The following RB1 variants were observed in gnomAD, a reference collection of about 807,000 sequenced individuals.
RB1 encodes retinoblastoma-associated protein.
In RB1, 18 loss-of-function variants were observed where a neutral mutation model predicts 135.4. The ratio of observed to expected loss-of-function variants is 0.13; its 90% confidence interval spans 0.09 to 0.20. The LOEUF is 0.20. Among genes scored for constraint, RB1 ranks in the 10% least tolerant of loss-of-function variants. The pLI is 1.00. For missense variants in RB1, 868 were observed against 1,110.0 expected, an observed-to-expected ratio of 0.78 and a Z score of 3.10; for synonymous variants, 365 against 373.2, an observed-to-expected ratio of 0.98 and a Z score of 0.25.
At chr13:48,383,061 A>G (rs1382604654) in intron 17 of RB1, among the ~76,000 whole-genome samples, 5 of 152,166 alleles carry the variant, frequency 3.3e-5, no homozygotes, top group Non-Finnish European at 5.9e-5. Flanking sequence ...AATTCTTTAA[A>G]GTATTTAGAT....
chr13:48,449,485 A>G (rs1949312374), intron 17 of RB1, among the ~76,000 whole-genome samples: 1 of 152,140 alleles, frequency 6.6e-6, no homozygotes. Context: ...CTGAGTTCCA[A>G]TTCAGTTTTT....
chr13:48,411,544 T>TA, intron 17 of RB1: 3 of 1,613,688 alleles, frequency 1.9e-6, no homozygotes, highest in Non-Finnish European at 1.7e-6. Flanking sequence ...GTGTCCGATG[T>TA]AAAGTAGTAA....
chr13:48,367,412 C>T (rs999892319), intron 9 of RB1, 82 bp from the exon 10 acceptor site: 2 of 1,463,034 alleles, frequency 1.4e-6, no homozygotes, highest in East Asian at 2.4e-5. Flanking sequence ...TACAAAAATT[C>T]TTTAATGAAA....
chr13:48,447,542 A>G (rs1223306634), intron 17 of RB1, among the ~76,000 whole-genome samples: 1 of 152,166 alleles, frequency 6.6e-6, no homozygotes, highest in Non-Finnish European at 1.5e-5. Flanking sequence ...ATTATATATT[A>G]CTCTGTGTCA....
intron 2 of RB1, among the ~76,000 whole-genome samples, chr13:48,308,893 A>G (rs1268348932): frequency 6.6e-6 from 1 of 152,094 alleles, no homozygotes; most frequent in Non-Finnish European, 1.5e-5. Context: ...AGTTACACAT[A>G]GTTTTGTATT....
chr13:48,336,773 T>A (rs1952389330), intron 2 of RB1, among the ~76,000 whole-genome samples: 1 of 151,552 alleles, frequency 6.6e-6, no homozygotes, highest in Admixed American at 6.6e-5. Context: ...ATTGTGATGT[T>A]AGGGTGTCAA....
chr13:48,317,855 T>C, intron 2 of RB1: 1 of 391,954 alleles, frequency 2.6e-6, no homozygotes, highest in South Asian at 2.2e-5. Context: ...GCCCGCTCCT[T>C]CCTGCACAGC....
chr13:48,405,109 T>A (rs1948728030), intron 17 of RB1, among the ~76,000 whole-genome samples: 1 of 151,940 alleles, frequency 6.6e-6, no homozygotes, highest in Non-Finnish European at 1.5e-5. Context: ...TAAGACCTAA[T>A]AAAAAAACTG....
chr13:48,436,857 T>C (rs1342200295), intron 17 of RB1, among the ~76,000 whole-genome samples: 1 of 152,178 alleles, frequency 6.6e-6, no homozygotes, highest in Non-Finnish European at 1.5e-5. Flanking sequence ...ACATTTCCTG[T>C]AATGTAGTTC....
At chr13:48,318,955 G>A (rs2138052537) in intron 2 of RB1, 4 of 898,720 alleles carry the variant, frequency 4.5e-6, no homozygotes, top group South Asian at 3.9e-5. Context: ...GGGAGTAGAA[G>A]CGTGGGCTTG....
intron 17 of RB1, among the ~76,000 whole-genome samples, chr13:48,446,096 TA>T (rs1392618043): frequency 6.6e-6 from 1 of 152,152 alleles, no homozygotes; most frequent in African/African-American, 2.4e-5. Flanking sequence ...TAGCTGGGAT[TA>T]TAGGTGCGTG....
chr13:48,411,603 G>A (rs767155699), intron 17 of RB1: 4 of 1,611,572 alleles, frequency 2.5e-6, no homozygotes, highest in Non-Finnish European at 3.4e-6. Context: ...GAGAGTGATT[G>A]GGTACATTGT....
chr13:48,394,298 C>T (rs1417832040), intron 17 of RB1, among the ~76,000 whole-genome samples: 1 of 152,190 alleles, frequency 6.6e-6, no homozygotes, highest in Non-Finnish European at 1.5e-5. Context: ...CACCAGGGCC[C>T]TGGGTTTCAA....
intron 2 of RB1, among the ~76,000 whole-genome samples, chr13:48,330,153 A>T (rs1044677829): frequency 3.3e-5 from 5 of 152,146 alleles, no homozygotes; most frequent in Admixed American, 6.5e-5. Flanking sequence ...ACAGCACATC[A>T]AGATTTGTGG....
chr13:48,409,350 C>G (rs1027336940), intron 17 of RB1, among the ~76,000 whole-genome samples: 1 of 151,710 alleles, frequency 6.6e-6, no homozygotes, highest in Non-Finnish European at 1.5e-5. Context: ...GTTTACCTGT[C>G]TAGCAAATGA....
intron 16 of RB1, 59 bp downstream of exon 16, chr13:48,380,300 G>T: frequency 2.3e-6 from 3 of 1,297,534 alleles, no homozygotes; most frequent in East Asian, 4.8e-5. Context: ...AATGTGGTGT[G>T]TTTCTTTGGT....
intron 12 of RB1, among the ~76,000 whole-genome samples, chr13:48,374,620 G>C (rs936674985): frequency 2.0e-5 from 3 of 152,118 alleles, no homozygotes. Flanking sequence ...TATAGCACAA[G>C]AATATATGCC....
At chr13:48,395,564 A>G (rs1271211235) in intron 17 of RB1, among the ~76,000 whole-genome samples, 1 of 152,058 alleles carries the variant, frequency 6.6e-6, no homozygotes, top group Non-Finnish European at 1.5e-5. Flanking sequence ...AAAACACAAC[A>G]CGAGGACTTT....
rs1410207755 is a variant in RB1, at chr13:48,335,915, G to C, written c.265-6684G>C. On this transcript the variant is annotated intron_variant, in intron 2 of 26. Transcript: ENST00000267163. The stretch of plus-strand genomic sequence containing the variant: ...GGCTGTAGGAGTGGATGAGAGTGCT[G>C]AGGAAAAAAGAGAATGGTGGGAAAA... 2.0e-5 allele frequency among the ~76,000 whole-genome samples: 3 copies of C among 152,040 alleles called. No individual in the cohort carries two copies. In the East Asian group the frequency reaches 5.8e-4, roughly 29 times the overall value.
Sources: gnomAD v4.1 joint callset for allele counts (sites outside exome capture counted in the v4.1 genomes callset) on GRCh38, gnomAD v4.1.1 for gene constraint, MANE v1.5 for transcripts, NCBI Gene and HGNC (gene_info 2026-07-23, HGNC 2026-07-21) for gene names.